TP63: variants seen among roughly 807,000 people sequenced by gnomAD.
TP63 encodes the protein tumor protein p63.
Under a neutral mutation model 82.8 loss-of-function variants are expected in TP63, and 17 were observed. That is an observed-to-expected ratio of 0.21 (90% CI 0.14 to 0.31). The LOEUF (loss-of-function observed/expected upper bound fraction) is 0.31, where lower values mean the gene tolerates loss of function less well. Ranked by LOEUF, TP63 falls within the 10% of genes least tolerant of loss-of-function variation. The pLI is 1.00. For missense variants in TP63, 648 were observed against 895.3 expected, an observed-to-expected ratio of 0.72 and a Z score of 3.52; for synonymous variants, 330 against 321.7, an observed-to-expected ratio of 1.03 and a Z score of -0.28.
intron 1 of TP63, among the ~76,000 whole-genome samples, chr3:189,666,747 T>C (rs1273710141): frequency 1.3e-5 from 2 of 152,080 alleles, no homozygotes; most frequent in Non-Finnish European, 2.9e-5. Flanking sequence ...AAGTGAGTAA[T>C]TCATTCTCCT....
At chr3:189,788,864 A>G (rs1724836908) in intron 3 of TP63, among the ~76,000 whole-genome samples, 1 of 151,996 alleles carries the variant, frequency 6.6e-6, no homozygotes, top group African/African-American at 2.4e-5. Flanking sequence ...ACCTATTCAC[A>G]AGCAAAAATA....
rs1378595813 is a variant in TP63, at chr3:189,652,812, G to C, written c.62+21235G>C. On this transcript the variant is annotated intron_variant, in intron 1 of 13. Coordinates refer to ENST00000264731, the MANE Select transcript of TP63 (RefSeq NM_003722.5). ...TAGTGAGTTTGTTTTCATGAGATCTGATGGTTTTATAAAGGGTTTGCCACT... is the reference window on the plus strand; with the variant it reads ...TAGTGAGTTTGTTTTCATGAGATCTCATGGTTTTATAAAGGGTTTGCCACT... Among the ~76,000 whole-genome samples, 3 of 146,612 alleles carry C rather than the reference G, an allele frequency of 2.0e-5. 1 individual carries two copies. Among genetic ancestry groups the C allele is most frequent in the Admixed American group, 6.7e-5 (1 of 14,916 alleles).
At chr3:189,690,969 A>C (rs1443027811) in intron 1 of TP63, among the ~76,000 whole-genome samples, 1 of 152,182 alleles carries the variant, frequency 6.6e-6, no homozygotes, top group Non-Finnish European at 1.5e-5. Context: ...CCACCAGAAC[A>C]AGCACGATAT....
chr3:189,750,175 G>T (rs989781191), intron 3 of TP63, among the ~76,000 whole-genome samples: 2 of 151,528 alleles, frequency 1.3e-5, no homozygotes, highest in African/African-American at 4.8e-5. Context: ...GCAGCTACAT[G>T]GATGGAACTG....
Position 189,889,438 on chromosome 3 carries a change from C to T in TP63, c.1606C>T (p.His536Tyr), listed in dbSNP as rs1720793046. Residue 536 changes from histidine to tyrosine, a missense_variant, in exon 12 of 14, where the codon CAC (histidine) becomes TAC (tyrosine). Around this residue, in one of 5 missense-constraint regions of TP63, gnomAD observed 342 missense variants for 425.7 expected, o/e 0.80. Transcript: ENST00000264731. ...PPPLSMPSTSHCTPPPPYPTD... is the reference protein window; with the variant it reads ...PPPLSMPSTSYCTPPPPYPTD... ...CCCACTCTCCATGCCATCCACCTCC[C>T]ACTGCACACCCCCACCTCCGTATCC... 6.2e-7 allele frequency: 1 copy of T among 1,614,176 alleles called. No homozygotes were observed. Among genetic ancestry groups the T allele is most frequent in the Non-Finnish European group, 8.5e-7 (1 of 1,180,022 alleles).
At chr3:189,682,804 GA>G (rs1324525170) in intron 1 of TP63, among the ~76,000 whole-genome samples, 1 of 151,592 alleles carries the variant, frequency 6.6e-6, no homozygotes, top group African/African-American at 2.4e-5. Flanking sequence ...TTACCTCATT[GA>G]CCCCAAACCA....
intron 3 of TP63, among the ~76,000 whole-genome samples, chr3:189,739,790 T>C (rs889878875): frequency 6.6e-6 from 1 of 151,876 alleles, no homozygotes; most frequent in African/African-American, 2.4e-5. Flanking sequence ...GTTTTCTTTT[T>C]TTTTTTTTTT....
chr3:189,805,689 T>C (rs1375971226), intron 3 of TP63, among the ~76,000 whole-genome samples: 1 of 152,142 alleles, frequency 6.6e-6, no homozygotes, highest in African/African-American at 2.4e-5. Flanking sequence ...CAAAGGAGCA[T>C]GGCTTATTTT....
intron 3 of TP63, among the ~76,000 whole-genome samples, chr3:189,768,459 A>C (rs1301724633): frequency 6.6e-6 from 1 of 152,148 alleles, no homozygotes; most frequent in African/African-American, 2.4e-5. Flanking sequence ...TCACAAACGT[A>C]GGTAGTTGCA....
intron 4 of TP63, among the ~76,000 whole-genome samples, chr3:189,812,770 G>A (rs1385745013): frequency 1.3e-5 from 2 of 152,014 alleles, no homozygotes; most frequent in East Asian, 1.9e-4. Context: ...GAATTTCTTC[G>A]GTTCGTGAGT....
At chr3:189,834,017 T>C (rs1373990810) in intron 4 of TP63, among the ~76,000 whole-genome samples, 1 of 152,154 alleles carries the variant, frequency 6.6e-6, no homozygotes, top group Non-Finnish European at 1.5e-5. Context: ...AAGTAGGATG[T>C]ATGTGAGCGT....
the TP63 span, among the ~76,000 whole-genome samples, chr3:189,603,780 A>G: frequency 6.6e-6 from 1 of 151,856 alleles, no homozygotes. Flanking sequence ...CTTTACTGTA[A>G]GAAAAGTATA....
chr3:189,664,212 A>C (rs944337822), intron 1 of TP63, among the ~76,000 whole-genome samples: 2 of 152,170 alleles, frequency 1.3e-5, no homozygotes, highest in Non-Finnish European at 2.9e-5. Context: ...GCACTTGGAC[A>C]TGTGAACAGC....
At chr3:189,670,779 A>G (rs1345060235) in intron 1 of TP63, among the ~76,000 whole-genome samples, 4 of 152,070 alleles carry the variant, frequency 2.6e-5, no homozygotes, top group African/African-American at 9.7e-5. Flanking sequence ...TTTTTGACCC[A>G]AGGTGCCAGG....
chr3:189,833,670 C>CT (rs776358257), intron 4 of TP63, among the ~76,000 whole-genome samples: 12 of 113,674 alleles, frequency 1.1e-4, no homozygotes, highest in South Asian at 5.4e-4. Flanking sequence ...TAGCAATTTT[C>CT]TCTCTCTCTT....
At chr3:189,659,826 T>C (rs1713714444) in intron 1 of TP63, among the ~76,000 whole-genome samples, 2 of 152,104 alleles carry the variant, frequency 1.3e-5, no homozygotes, top group Non-Finnish European at 2.9e-5. Context: ...TGTTTTTTCA[T>C]GTGTTTGTTG....
At chr3:189,686,329 C>T (rs1362659433) in intron 1 of TP63, among the ~76,000 whole-genome samples, 3 of 152,128 alleles carry the variant, frequency 2.0e-5, no homozygotes, top group African/African-American at 7.2e-5. Flanking sequence ...CAATAGAAGA[C>T]AGTGAGTGAG....
intron 1 of TP63, among the ~76,000 whole-genome samples, chr3:189,716,412 G>A (rs1221244137): frequency 2.2e-5 from 2 of 91,138 alleles, no homozygotes; most frequent in Non-Finnish European, 4.7e-5. Context: ...CATAATTTCT[G>A]TGCTGAATTT....
At chr3:189,603,913 T>A in the TP63 span, among the ~76,000 whole-genome samples, 1 of 151,728 alleles carries the variant, frequency 6.6e-6, no homozygotes, top group Non-Finnish European at 1.5e-5. Flanking sequence ...ATCGAAAAAA[T>A]TTTCTTTTCC....
Sources: gnomAD v4.1 joint callset for allele counts (sites outside exome capture counted in the v4.1 genomes callset) on GRCh38, gnomAD v4.1.1 for gene constraint, gnomAD v4.1.1 regional missense constraint, MANE v1.5 for transcripts, NCBI Gene and HGNC (gene_info 2026-07-23, HGNC 2026-07-21) for gene names.